PLA2G4C: variants seen among roughly 807,000 people sequenced by gnomAD.
PLA2G4C encodes phospholipase A2 group IVC.
In PLA2G4C, 64 loss-of-function variants were observed where a neutral mutation model predicts 73.8. The observed-to-expected ratio is 0.87, with a 90% CI of 0.71 to 1.07. PLA2G4C has a LOEUF of 1.07. Ranked by LOEUF, PLA2G4C falls within the 50% of genes least tolerant of loss-of-function variation. The probability of loss-of-function intolerance (pLI) is 0.00; values close to 1 mark genes in which losing one functional copy is unlikely to be tolerated. For synonymous variants in PLA2G4C, 254 were observed against 252.1 expected, an observed-to-expected ratio of 1.01 and a Z score of -0.07; for missense variants, 622 against 665.4, an observed-to-expected ratio of 0.93 and a Z score of 0.72.
chr19:48,105,515 T>G, intron 2 of PLA2G4C, 71 bp from the exon 3 acceptor site: 1 of 1,230,350 alleles, frequency 8.1e-7, no homozygotes, highest in Admixed American at 1.8e-5. Context: ...GAATTTGACC[T>G]AGAACTGGGC....
intron 11 of PLA2G4C, among the ~76,000 whole-genome samples, chr19:48,075,332 C>T (rs2030076650): frequency 6.6e-6 from 1 of 151,680 alleles, no homozygotes; most frequent in Non-Finnish European, 1.5e-5. Context: ...TACAGGCACG[C>T]ACCACCACCA....
At chr19:48,095,147 C>T (rs1279026625) in intron 7 of PLA2G4C, among the ~76,000 whole-genome samples, 1 of 152,154 alleles carries the variant, frequency 6.6e-6, no homozygotes, top group East Asian at 1.9e-4. Context: ...GTCAGCCTCC[C>T]AAAGCACCAT....
At chr19:48,055,867 G>A (rs189750386) in intron 14 of PLA2G4C, among the ~76,000 whole-genome samples, 16 of 152,002 alleles carry the variant, frequency 1.1e-4, no homozygotes, top group African/African-American at 3.1e-4. Flanking sequence ...CAGGTGATCC[G>A]CTCGTCTCAG....
intron 13 of PLA2G4C, among the ~76,000 whole-genome samples, chr19:48,062,813 G>A (rs750393669): frequency 1.3e-5 from 2 of 152,102 alleles, no homozygotes; most frequent in Non-Finnish European, 2.9e-5. Context: ...GACAGGTCTC[G>A]GTCAGTGTAG....
chr19:48,078,802 A>C (rs1386813550), intron 10 of PLA2G4C, among the ~76,000 whole-genome samples: 1 of 152,182 alleles, frequency 6.6e-6, no homozygotes, highest in Non-Finnish European at 1.5e-5. Context: ...TGCCAAAAGC[A>C]ATCTACAAGT....
intron 13 of PLA2G4C, 70 bp downstream of exon 13, chr19:48,067,721 C>T: frequency 9.6e-7 from 1 of 1,043,366 alleles, no homozygotes; most frequent in Non-Finnish European, 1.5e-6. Context: ...TTCAGGCCCA[C>T]CCCCTTCCCC....
chr19:48,101,126 A>ATTTTTT lies in PLA2G4C; in HGVS notation c.258-1272_258-1267dup, dbSNP rs544287174. 1.5e-3 allele frequency among the ~76,000 whole-genome samples: 114 copies of ATTTTTT among 74,122 alleles called. 1 individual carries two copies. Among genetic ancestry groups the ATTTTTT allele is most frequent in the African/African-American group, 6.8e-3 (106 of 15,580 alleles). The allele number at this position is 74,122 out of a possible 152,430, so 48.6% of individuals were successfully genotyped here. A position where few individuals can be genotyped will look rare whatever the true frequency, so the allele number is the denominator to read the frequency against. On this transcript the variant is annotated intron_variant, in intron 4 of 16. Coordinates refer to ENST00000599921, the MANE Select transcript of PLA2G4C (RefSeq NM_003706.3). ...AGTCTATATATATATATATATATATATTTTTTTTTTTTTTTTTGAGACAGG... is the reference window on the plus strand; with the variant it reads ...AGTCTATATATATATATATATATATATTTTTTTTTTTTTTTTTTTTTTTGAGACAGG...
chr19:48,068,731 TAAA>T (rs532183992), intron 12 of PLA2G4C, among the ~76,000 whole-genome samples: 11 of 97,794 alleles, frequency 1.1e-4, no homozygotes, highest in Admixed American at 3.3e-4. Context: ...ACCTTGTATC[TAAA>T]AAAAAAAAAA....
At chr19:48,054,815 T>C (rs1967870161) in intron 15 of PLA2G4C, 63 bp downstream of exon 15, 30 of 1,433,726 alleles carry the variant, frequency 2.1e-5, no homozygotes, top group Non-Finnish European at 2.7e-5. Flanking sequence ...GGTATGTTTT[T>C]ATTAGCAGTG....
chr19:48,062,370 G>C, intron 13 of PLA2G4C: 2 of 406,392 alleles, frequency 4.9e-6, no homozygotes, highest in Non-Finnish European at 8.8e-6. Flanking sequence ...CAGCACTTTG[G>C]GGGCTGAGGC....
intron 10 of PLA2G4C, among the ~76,000 whole-genome samples, chr19:48,080,191 A>C (rs940786710): frequency 6.6e-6 from 1 of 152,232 alleles, no homozygotes; most frequent in African/African-American, 2.4e-5. Context: ...TTCTCAAAAG[A>C]AGATATTCCA....
intron 12 of PLA2G4C, among the ~76,000 whole-genome samples, chr19:48,071,115 T>A (rs2122533566): frequency 6.6e-6 from 1 of 152,338 alleles, no homozygotes; most frequent in South Asian, 2.1e-4. Flanking sequence ...GATAGATATC[T>A]TATTGGCTCT....
chr19:48,052,889 C>G (rs1810711872), intron 16 of PLA2G4C, 108 bp downstream of exon 16: 5 of 1,195,560 alleles, frequency 4.2e-6, no homozygotes, highest in Non-Finnish European at 5.9e-6. Context: ...GAGACACTGC[C>G]TATCTTTTTT....
At chr19:48,084,608 G>A (rs530907451) in intron 10 of PLA2G4C, among the ~76,000 whole-genome samples, 7 of 152,302 alleles carry the variant, frequency 4.6e-5, no homozygotes, top group South Asian at 4.1e-4. Flanking sequence ...TGATCCGCCC[G>A]CCTTAGCCTC....
At chr19:48,063,131 A>G (rs922633659) in intron 13 of PLA2G4C, among the ~76,000 whole-genome samples, 1 of 151,954 alleles carries the variant, frequency 6.6e-6, no homozygotes, top group East Asian at 1.9e-4. Context: ...TGCAACCTCC[A>G]CCTCCTGGCT....
rs778621169 is a variant in PLA2G4C at position 48,061,842 on chromosome 19, G to A, written c.1257+156C>T. On this transcript the variant is annotated intron_variant, in intron 14 of 16. Coordinates refer to ENST00000599921, the MANE Select transcript of PLA2G4C (RefSeq NM_003706.3). ...GGATGTGGCCGACCGCGGGTGCTTC[G>A]GGAGCGATGGGTGAGTTGATTTGGC... The A allele has an allele frequency of 2.5e-5, 18 of 731,188 alleles. 1 individual carries two copies. The highest frequency in any genetic ancestry group is 8.2e-5 in the East Asian group (3 of 36,650). 45.3% of individuals were successfully genotyped at this position (731,188 alleles called of 1,614,324 possible).
At chr19:48,082,350 A>G (rs961868011) in intron 10 of PLA2G4C, among the ~76,000 whole-genome samples, 1 of 151,910 alleles carries the variant, frequency 6.6e-6, no homozygotes, top group African/African-American at 2.4e-5. Context: ...TCAAAATTCA[A>G]TTTTTCCACA....
At chr19:48,069,617 C>T (rs1231911828) in intron 12 of PLA2G4C, among the ~76,000 whole-genome samples, 3 of 152,146 alleles carry the variant, frequency 2.0e-5, no homozygotes, top group Admixed American at 1.3e-4. Context: ...TTCCCTCTTC[C>T]TGGTTTTTCA....
chr19:48,076,786 G>T (rs1312578737), intron 11 of PLA2G4C, among the ~76,000 whole-genome samples: 2 of 151,746 alleles, frequency 1.3e-5, no homozygotes, highest in Non-Finnish European at 2.9e-5. Flanking sequence ...AAAAAAAGAC[G>T]CAAACAGCTT....
Sources: allele counts gnomAD v4.1 joint callset (sites outside exome capture counted in the v4.1 genomes callset), GRCh38; gene constraint gnomAD v4.1.1; transcripts MANE v1.5; gene names NCBI Gene and HGNC (gene_info 2026-07-23, HGNC 2026-07-21).